Variants in PLXNA2 observed in about 807,000 individuals in gnomAD.
PLXNA2 encodes plexin-A2.
Under a neutral mutation model 193.5 loss-of-function variants are expected in PLXNA2, and 91 were observed. The observed-to-expected ratio is 0.47, with a 90% CI of 0.40 to 0.56. The LOEUF (loss-of-function observed/expected upper bound fraction) is 0.56, where lower values mean the gene tolerates loss of function less well. Among genes scored for constraint, PLXNA2 ranks in the 20% least tolerant of loss-of-function variants. The pLI, the probability that PLXNA2 is intolerant of heterozygous loss-of-function variation, is 0.00. For synonymous variants in PLXNA2, 997 were observed against 1,027.3 expected, an observed-to-expected ratio of 0.97 and a Z score of 0.56; for missense variants, 1,995 against 2,503.2, an observed-to-expected ratio of 0.80 and a Z score of 4.33.
At chr1:208,072,444 C>T (rs1003336560) in intron 12 of PLXNA2, among the ~76,000 whole-genome samples, 2 of 152,190 alleles carry the variant, frequency 1.3e-5, no homozygotes, top group African/African-American at 4.8e-5. Context: ...GCATCTTAAG[C>T]CTGATTTGCC....
At chr1:208,202,092 C>T (rs1290544829) in intron 3 of PLXNA2, among the ~76,000 whole-genome samples, 1 of 152,060 alleles carries the variant, frequency 6.6e-6, no homozygotes, top group Non-Finnish European at 1.5e-5. Flanking sequence ...AATTCCCCCA[C>T]CTTGGCCTCC....
intron 3 of PLXNA2, among the ~76,000 whole-genome samples, chr1:208,165,876 C>A (rs1450821791): frequency 6.6e-6 from 1 of 152,180 alleles, no homozygotes. Context: ...TTCTACAACT[C>A]CCATTGGCAA....
Position 208,043,135 on chromosome 1 carries a change from G to T in PLXNA2, c.3943C>A (p.Leu1315Met). 1 of 1,614,172 alleles carries T rather than the reference G, an allele frequency of 6.2e-7. No homozygotes were observed. The highest frequency in any genetic ancestry group is 2.2e-5 in the East Asian group (1 of 44,864). Reference protein sequence around the residue: ...SDLDRSGIPYLDYRTYAMRVL... With the variant: ...SDLDRSGIPYMDYRTYAMRVL... Reference sequence around the variant, plus strand: ...CGCATAGCGTAGGTACGATAGTCCAGGTAAGGGATTCCTGAGCGGTCCAGG... The same window carrying T: ...CGCATAGCGTAGGTACGATAGTCCATGTAAGGGATTCCTGAGCGGTCCAGG... Residue 1315 changes from leucine (L) to methionine (M), a missense_variant, in exon 21 of 32, where the codon CTG becomes ATG. Physicochemically the swap from Leu to Met is conservative, Grantham distance 15 (BLOSUM62 2). This residue lies in a region of PLXNA2 where 1,291 missense variants were observed against 1,673.6 expected (regional missense o/e 0.77). Transcript: ENST00000367033.
intron 1 of PLXNA2, among the ~76,000 whole-genome samples, chr1:208,241,373 G>A (rs1454725831): frequency 6.6e-6 from 1 of 152,236 alleles, no homozygotes; most frequent in Non-Finnish European, 1.5e-5. Flanking sequence ...ATTCAGACTA[G>A]CTCTGAAAGG....
At chr1:208,177,057 T>C (rs988191004) in intron 3 of PLXNA2, among the ~76,000 whole-genome samples, 5 of 150,570 alleles carry the variant, frequency 3.3e-5, no homozygotes, top group East Asian at 3.9e-4. Flanking sequence ...TTTTCTTTGA[T>C]GGCTTTGCCG....
intron 4 of PLXNA2, among the ~76,000 whole-genome samples, chr1:208,119,979 G>T (rs547689535): frequency 6.6e-6 from 1 of 152,334 alleles, no homozygotes; most frequent in South Asian, 2.1e-4. Context: ...CCGGAGGGAG[G>T]TGAGTGGATG....
chr1:208,074,475 G>T (rs961961226), intron 12 of PLXNA2, among the ~76,000 whole-genome samples: 2 of 152,168 alleles, frequency 1.3e-5, no homozygotes, highest in Admixed American at 6.5e-5. Context: ...AAGTCCTGAG[G>T]GGGTCCTAAC....
intron 4 of PLXNA2, among the ~76,000 whole-genome samples, chr1:208,140,482 T>G (rs1026500979): frequency 6.6e-6 from 1 of 152,204 alleles, no homozygotes. Context: ...CCTGGTCCTC[T>G]GCTACACACA....
chr1:208,084,185 T>G (rs1175299566), intron 10 of PLXNA2, among the ~76,000 whole-genome samples, 195 bp downstream of exon 10: 1 of 152,232 alleles, frequency 6.6e-6, no homozygotes, highest in African/African-American at 2.4e-5. Flanking sequence ...CACGGAACTG[T>G]CTCCTCTGGC....
chr1:208,149,261 G>A (rs1254312811), intron 3 of PLXNA2, among the ~76,000 whole-genome samples: 1 of 151,812 alleles, frequency 6.6e-6, no homozygotes, highest in East Asian at 1.9e-4. Context: ...TCTGTTGTAT[G>A]TATATGATGT....
chr1:208,153,003 A>G (rs1231391507), intron 3 of PLXNA2, among the ~76,000 whole-genome samples: 1 of 152,200 alleles, frequency 6.6e-6, no homozygotes, highest in Non-Finnish European at 1.5e-5. Flanking sequence ...ATATGCAGTC[A>G]TCTTTCCTAA....
chr1:208,200,304 A>G (rs941854607), intron 3 of PLXNA2, among the ~76,000 whole-genome samples: 1 of 152,166 alleles, frequency 6.6e-6, no homozygotes, highest in South Asian at 2.1e-4. Flanking sequence ...CACCACATTC[A>G]TCTCCATGTA....
At chr1:208,140,365 T>G (rs1668424579) in intron 4 of PLXNA2, among the ~76,000 whole-genome samples, 1 of 152,198 alleles carries the variant, frequency 6.6e-6, no homozygotes, top group Non-Finnish European at 1.5e-5. Context: ...CTAAAATATA[T>G]GCCTTGGTAC....
chr1:208,071,419 G>A (rs951347887), intron 12 of PLXNA2, among the ~76,000 whole-genome samples: 5 of 152,166 alleles, frequency 3.3e-5, no homozygotes, highest in Admixed American at 1.3e-4. Context: ...TGCCAACTTC[G>A]TGGCTGCACA....
chr1:208,138,611 G>C (rs535948625), intron 4 of PLXNA2, among the ~76,000 whole-genome samples: 1 of 152,260 alleles, frequency 6.6e-6, no homozygotes, highest in Non-Finnish European at 1.5e-5. Flanking sequence ...CTGACCGGGC[G>C]CAGTGGCGCA....
chr1:208,032,214 C>T (rs1204630823), intron 28 of PLXNA2: 3 of 850,220 alleles, frequency 3.5e-6, no homozygotes, highest in Non-Finnish European at 4.2e-6. Context: ...TGTTAGTGAC[C>T]TGAGACAAGT....
chr1:208,212,276 T>A (rs1442543846), intron 2 of PLXNA2, among the ~76,000 whole-genome samples: 3 of 152,232 alleles, frequency 2.0e-5, no homozygotes. Flanking sequence ...TATGATTTTT[T>A]TTTTTAAACC....
chr1:208,031,059 G>T, intron 29 of PLXNA2: 1 of 990,228 alleles, frequency 1.0e-6, no homozygotes. Context: ...AGTTTGCAAT[G>T]AAATCCTCCC....
intron 3 of PLXNA2, among the ~76,000 whole-genome samples, chr1:208,174,614 G>A (rs999939207): frequency 7.9e-5 from 12 of 152,072 alleles, no homozygotes; most frequent in Admixed American, 7.9e-4. Flanking sequence ...CATCAGAGTG[G>A]GAAGCCGGAG....
Sources: gnomAD v4.1 joint callset for allele counts (sites outside exome capture counted in the v4.1 genomes callset) on GRCh38, gnomAD v4.1.1 for gene constraint, gnomAD v4.1.1 regional missense constraint, MANE v1.5 for transcripts, NCBI Gene and HGNC (gene_info 2026-07-23, HGNC 2026-07-21) for gene names.